ARHGAP27: variants seen among roughly 807,000 people sequenced by gnomAD.
ARHGAP27 encodes the protein rho GTPase-activating protein 27.
Under a neutral mutation model 102.0 loss-of-function variants are expected in ARHGAP27, and 53 were observed. The observed-to-expected ratio is 0.52, with a 90% CI of 0.42 to 0.65. The LOEUF is 0.65. Ranked by LOEUF, ARHGAP27 falls within the 30% of genes least tolerant of loss-of-function variation. The pLI, the probability that ARHGAP27 is intolerant of heterozygous loss-of-function variation, is 0.00. For missense variants in ARHGAP27, 1,117 were observed against 1,256.2 expected, an observed-to-expected ratio of 0.89 and a Z score of 1.68; for synonymous variants, 525 against 542.8, an observed-to-expected ratio of 0.97 and a Z score of 0.46.
chr17:45,422,757 T>C (rs2144959675), intron 4 of ARHGAP27, among the ~76,000 whole-genome samples: 1 of 152,190 alleles, frequency 6.6e-6, no homozygotes, highest in Non-Finnish European at 1.5e-5. Context: ...ACATAACACA[T>C]CTCTATCAGA....
chr17:45,430,022 C>T lies in ARHGAP27; in HGVS notation c.258G>A (p.Ala86=). ...AAPPGPHPSP[A]APEPLAYDYR... is the part of the protein sequence containing the mutation. ...AGTCGTAGGCGAGCGGCTCAGGGGC[C>T]GCGGGGCTCGGGTGGGGACCTGGCG... Residue 86 remains alanine (A), a synonymous_variant, in exon 4 of 20, where the codon GCG becomes GCA. Coordinates refer to ENST00000685559, the MANE Select transcript of ARHGAP27 (RefSeq NM_001282290.2). This position sits in a 1 kb window ranked among gnomAD's most constrained non-coding sequence, Gnocchi z 4.4. The T allele has an allele frequency of 2.5e-6, 3 of 1,217,264 alleles. No homozygotes were observed. The highest frequency in any genetic ancestry group is 2.8e-5 in the South Asian group (1 of 35,334). The allele number at this position is 1,217,264 out of a possible 1,614,324, so 75.4% of individuals were successfully genotyped here.
rs978204915 is a variant in ARHGAP27 at position 45,429,833 on chromosome 17, C to G, written c.447G>C (p.Ala149=). The part of the protein sequence containing the change: ...LPACLYLRPA[A]PVRPAQSLND... ...TCAGGGACTGCGCGGGCCGCACGGG[C>G]GCCGCGGGCCGCAGGTACAGGCAGG... Residue 149 remains alanine (A), a synonymous_variant, in exon 4 of 20, where the codon GCG becomes GCC. Coordinates refer to ENST00000685559, the MANE Select transcript of ARHGAP27 (RefSeq NM_001282290.2). 2 of 1,400,888 alleles carry G rather than the reference C, an allele frequency of 1.4e-6. No homozygotes were observed. The highest frequency in any genetic ancestry group is 1.8e-6 in the Non-Finnish European group (2 of 1,086,758). 86.8% of individuals were successfully genotyped at this position (1,400,888 alleles called of 1,614,324 possible).
At chr17:45,429,502 C>T (rs2049888462) in intron 4 of ARHGAP27, 121 bp downstream of exon 4, 1 of 1,514,306 alleles carries the variant, frequency 6.6e-7, no homozygotes, top group Non-Finnish European at 8.7e-7. Context: ...CCGAAGTCTT[C>T]GGACAGAGGT....
In ARHGAP27 at chr17:45,404,443, A is replaced by C; in HGVS notation, c.1413+2T>G. 6.2e-7 allele frequency: 1 copy of C among 1,613,832 alleles called. No homozygotes were observed. Among genetic ancestry groups the C allele is most frequent in the Non-Finnish European group, 8.5e-7 (1 of 1,179,900 alleles). The stretch of plus-strand genomic sequence containing the variant: ...CCAGGACCTCAATGGCTCCTCCCCT[A>C]CCTTCTCCTCTGGAGGGCTGGCCTG... On this transcript the variant is annotated splice_donor_variant, in intron 8 of 19. Coordinates refer to ENST00000685559, the MANE Select transcript of ARHGAP27 (RefSeq NM_001282290.2). LOFTEE classifies it high-confidence loss of function.
rs554932341 is a variant in ARHGAP27 at position 45,395,245 on chromosome 17, G to T, written c.*211C>A. 1.6e-6 allele frequency: 1 copy of T among 616,842 alleles called. No individual in the cohort carries two copies. The highest frequency in any genetic ancestry group is 2.8e-6 in the Non-Finnish European group (1 of 359,984). The allele number at this position is 616,842 out of a possible 1,614,324, so 38.2% of individuals were successfully genotyped here. ...AAACAGGACGTGACGGGAAGGGAAG[G>T]GGGGATGGGGAGTTGGGAAGAAGGA... On this transcript the variant is annotated 3_prime_UTR_variant, in exon 20 of 20. Coordinates refer to ENST00000685559, the MANE Select transcript of ARHGAP27 (RefSeq NM_001282290.2).
At chr17:45,418,889 G>A (rs1392411036) in intron 4 of ARHGAP27, among the ~76,000 whole-genome samples, 1 of 152,208 alleles carries the variant, frequency 6.6e-6, no homozygotes, top group Non-Finnish European at 1.5e-5. Flanking sequence ...AGGGCACCAA[G>A]GAGACAGGGA....
At chr17:45,396,311 G>C in intron 16 of ARHGAP27, 27 bp from the exon 17 acceptor site, 1 of 1,591,792 alleles carries the variant, frequency 6.3e-7, no homozygotes. Flanking sequence ...CGCTGATCCC[G>C]GGTTCAGGGA....
chr17:45,406,198 T>G (rs990497450), intron 4 of ARHGAP27, 115 bp from the exon 5 acceptor site: 13 of 1,275,346 alleles, frequency 1.0e-5, no homozygotes, highest in Admixed American at 9.3e-5. Flanking sequence ...TTTATTTTCT[T>G]TAAACTTTTC....
At chr17:45,425,508 A>C in intron 4 of ARHGAP27, 9 of 957,228 alleles carry the variant, frequency 9.4e-6, no homozygotes, top group Non-Finnish European at 1.1e-5. Context: ...AAGGGAGGGG[A>C]GAGATTGGGG....
At chr17:45,416,078 C>T (rs542231931) in intron 4 of ARHGAP27, among the ~76,000 whole-genome samples, 54 of 151,058 alleles carry the variant, frequency 3.6e-4, no homozygotes, top group African/African-American at 1.3e-3. Flanking sequence ...CGGAGTCTGG[C>T]TCTGTCGCCC....
At chr17:45,405,600 C>A in intron 5 of ARHGAP27, 76 bp downstream of exon 5, 1 of 1,503,400 alleles carries the variant, frequency 6.7e-7, no homozygotes, top group Non-Finnish European at 8.8e-7. Flanking sequence ...CCCGTGTGTC[C>A]CTGGGCCTCT....
chr17:45,423,304 C>T (rs1305131663), intron 4 of ARHGAP27, among the ~76,000 whole-genome samples: 2 of 152,098 alleles, frequency 1.3e-5, no homozygotes, highest in Non-Finnish European at 2.9e-5. Flanking sequence ...GTTTACACAT[C>T]TGGAGAAAAT....
chr17:45,400,376 G>A (rs1219022157), intron 12 of ARHGAP27, among the ~76,000 whole-genome samples: 1 of 152,152 alleles, frequency 6.6e-6, no homozygotes, highest in Non-Finnish European at 1.5e-5. Flanking sequence ...CCTACAGGCC[G>A]CCCTGCATGG....
Position 45,429,609 on chromosome 17 carries a change from G to C in ARHGAP27, c.657+14C>G. The C allele has an allele frequency of 6.3e-7, 1 of 1,575,178 alleles. No homozygotes were observed. Among genetic ancestry groups the C allele is most frequent in the South Asian group, 1.1e-5 (1 of 87,492 alleles). On this transcript the variant is annotated intron_variant, in intron 4 of 19. Coordinates refer to ENST00000685559, the MANE Select transcript of ARHGAP27 (RefSeq NM_001282290.2). Reference sequence around the variant, plus strand: ...GCGCCACCCGCCTCCGCGCCCCAGCGCCCGGGGAGGTACCTGCTCTGCGCT... The same window carrying C: ...GCGCCACCCGCCTCCGCGCCCCAGCCCCCGGGGAGGTACCTGCTCTGCGCT...
rs2049761676 is a variant in ARHGAP27, at chr17:45,427,785, C to A, written c.657+1838G>T. On this transcript the variant is annotated intron_variant, in intron 4 of 19. Coordinates refer to ENST00000685559, the MANE Select transcript of ARHGAP27 (RefSeq NM_001282290.2). This position sits in a 1 kb window ranked among gnomAD's most constrained non-coding sequence, Gnocchi z 4.5. ...CTCTGGCCAATGTCCTAGATTCCCC[C>A]CCTGGGTAAGTCCCCTACCCCTATC... Among the ~76,000 whole-genome samples, 2 of 152,318 alleles carry A rather than the reference C, an allele frequency of 1.3e-5. No homozygotes were observed. The highest frequency in any genetic ancestry group is 4.1e-4 in the South Asian group (2 of 4,826).
chr17:45,425,502 G>A (rs1048745121), intron 4 of ARHGAP27: 1 of 954,402 alleles, frequency 1.0e-6, no homozygotes, highest in African/African-American at 1.8e-5. Context: ...TCGGGAAAGG[G>A]AGGGGAGAGA....
chr17:45,399,591 C>A (rs1597773490), intron 12 of ARHGAP27, among the ~76,000 whole-genome samples: 5 of 141,126 alleles, frequency 3.5e-5, no homozygotes, highest in Admixed American at 7.1e-5. Context: ...CACTCTGTCT[C>A]AAAGAAAAGA....
chr17:45,430,258 C>A lies in ARHGAP27; in HGVS notation c.22G>T (p.Asp8Tyr), dbSNP rs772819328. 2.5e-6 allele frequency: 4 copies of A among 1,578,438 alleles called. No individual in the cohort carries two copies. In the South Asian group the frequency reaches 4.5e-5, roughly 18 times the overall value. ...GGGTGCTCCACCAGCACGTACACGT[C>A]CCCCACCACGTCCGCCGCCATCGCA... Reference protein sequence around the residue: MAADVVGDVYVLVEHPFE... With the variant: MAADVVGYVYVLVEHPFE... Residue 8 changes from aspartate (D) to tyrosine (Y), a missense_variant, in exon 4 of 20, where the codon GAC (aspartate) becomes TAC (tyrosine). This residue lies in a region of ARHGAP27 where 610 missense variants were observed against 716.4 expected (regional missense o/e 0.85). Transcript: ENST00000685559. The surrounding 1 kb of genome is among the most constrained non-coding windows in gnomAD (Gnocchi z 4.4).
chr17:45,424,527 T>C (rs2049355642), intron 4 of ARHGAP27, among the ~76,000 whole-genome samples: 1 of 152,140 alleles, frequency 6.6e-6, no homozygotes, highest in South Asian at 2.1e-4. Context: ...AGGCTGGCAT[T>C]CAGTACTGAT....
Sources: allele counts gnomAD v4.1 joint callset (sites outside exome capture counted in the v4.1 genomes callset), GRCh38; gene constraint gnomAD v4.1.1; regional missense constraint gnomAD v4.1.1; non-coding constraint Gnocchi (gnomAD v3.1); transcripts MANE v1.5; gene names NCBI Gene and HGNC (gene_info 2026-07-23, HGNC 2026-07-21).